The following GPR179 variants were observed in gnomAD, a reference collection of about 807,000 sequenced individuals.
The protein encoded by GPR179 is G protein-coupled receptor 179.
A neutral mutation model predicts 70.8 loss-of-function variants in GPR179; 52 were observed. The ratio of observed to expected loss-of-function variants is 0.73; its 90% CI spans 0.59 to 0.93. GPR179 has a LOEUF of 0.93. Ranked by LOEUF, GPR179 falls within the 40% of genes least tolerant of loss-of-function variation. The probability of loss-of-function intolerance (pLI) is 0.00; values close to 1 mark genes in which losing one functional copy is unlikely to be tolerated. For synonymous variants in GPR179, 1,123 were observed against 1,169.0 expected (o/e 0.96, Z 0.80); for missense variants, 2,734 against 2,966.8 (o/e 0.92, Z 1.82).
intron 1 of GPR179, among the ~76,000 whole-genome samples, chr17:38,341,043 G>T (rs1351632974): frequency 6.6e-6 from 1 of 152,198 alleles, no homozygotes; most frequent in Non-Finnish European, 1.5e-5. Flanking sequence ...TGAGGAAAGG[G>T]ATCACACTTT....
rs2037282157 is a variant in GPR179, at chr17:38,326,021, A to G, written c.*444T>C. On this transcript the variant is annotated 3_prime_UTR_variant, in exon 11 of 11. Coordinates refer to ENST00000616987, the MANE Select transcript of GPR179 (RefSeq NM_001004334.4). ...GGTCCACCATCCCTACGTTGCCAAC[A>G]CTTTGTATGGTTTAGTTTCTTCTCA... The G allele has an allele frequency of 6.2e-6, 1 of 162,410 alleles. No homozygotes were observed. The highest frequency in any genetic ancestry group is 1.3e-5 in the Non-Finnish European group (1 of 75,550). The allele number at this position is 162,410 out of a possible 1,614,324, so 10.1% of individuals were successfully genotyped here.
In GPR179 at chr17:38,329,680, A is replaced by G; in HGVS notation, c.3889T>C (p.Ser1297Pro). 6.2e-7 allele frequency: 1 copy of G among 1,613,764 alleles called. No homozygotes were observed. The highest frequency in any genetic ancestry group is 1.1e-5 in the South Asian group (1 of 91,060). Residue 1297 changes from serine (S) to proline (P), a missense_variant, in exon 11 of 11, where the codon TCA becomes CCA. By Grantham distance (74) the Ser-to-Pro change is moderately conservative. Coordinates refer to ENST00000616987, the MANE Select transcript of GPR179 (RefSeq NM_001004334.4). ...QKKRGEARGK[S>P]EPIDVVPMMR... ...ATGGGAACCACATCTATGGGCTCTG[A>G]TTTTCCCCGGGCCTCCCCTCTCTTT... is the stretch of plus-strand genomic sequence containing the variant.
In GPR179 at chr17:38,333,379, G is replaced by A. The variant is rs779994166; in HGVS notation, c.1909C>T (p.Pro637Ser). The change falls in exon 10 of 11, where the codon CCT becomes TCT. Residue 637 changes from proline to serine, a missense_variant. Physicochemically the swap from Pro to Ser is moderately conservative, Grantham distance 74 (BLOSUM62 -1). Transcript: ENST00000616987. ...TCATCCACCATCTCCTCCCGGGGAG[G>A]AGCCCCCAGCTTCCAGAACTGGCAG... ...FIPKFWKLGA[P>S]PREEMVDEVC... 1.9e-6 allele frequency: 3 copies of A among 1,613,806 alleles called. No individual in the cohort carries two copies. The East Asian group carries it at 6.7e-5, about 36-fold the overall frequency.
Position 38,326,961 on chromosome 17 carries a change from T to C in GPR179, c.6608A>G (p.Glu2203Gly), listed in dbSNP as rs749176781. 3 of 1,614,136 alleles carry C rather than the reference T, an allele frequency of 1.9e-6. No individual in the cohort carries two copies. The highest frequency in any genetic ancestry group is 2.5e-6 in the Non-Finnish European group (3 of 1,180,038). The change falls in exon 11 of 11, where the codon GAA becomes GGA. Residue 2203 changes from glutamate (E) to glycine (G), a missense_variant. By Grantham distance (98) the Glu-to-Gly change is moderately conservative. Transcript: ENST00000616987. ...LLPQSGALDP[E>G]LKVSPKEAGS... is the part of the protein sequence containing the mutation. ...TGCTTCCTTGGGGCTGACTTTGAGT[T>C]CTGGGTCCAGGGCACCTGACTGGGG...
Position 38,326,082 on chromosome 17 carries a change from C to G in GPR179, c.*383G>C, listed in dbSNP as rs1314322541. 4.9e-6 allele frequency: 1 copy of G among 205,998 alleles called. No individual in the cohort carries two copies. The highest frequency in any genetic ancestry group is 2.3e-5 in the African/African-American group (1 of 43,300). 12.8% of individuals were successfully genotyped at this position (205,998 alleles called of 1,614,324 possible). A position where few individuals can be genotyped will look rare whatever the true frequency, so the allele number is the denominator to read the frequency against. On this transcript the variant is annotated 3_prime_UTR_variant, in exon 11 of 11. Transcript: ENST00000616987. ...CATCGTAGACTTCAGAGAATTGGGT[C>G]CCCCTGTGAGAGAAGGTAGGCTGGG...
At position 38,325,701 on chromosome 17, in the gene GPR179, G is replaced by C. The variant is rs1266269098; in HGVS notation, c.*764C>G. 1 of 152,478 alleles carries C rather than the reference G, an allele frequency of 6.6e-6. No homozygotes were observed. The highest frequency in any genetic ancestry group is 1.5e-5 in the Non-Finnish European group (1 of 68,132). The allele number at this position is 152,478 out of a possible 1,614,324, so 9.4% of individuals were successfully genotyped here. The stretch of plus-strand genomic sequence containing the variant: ...TCTGGAAGGAAGAGCTCCCTTGACT[G>C]TGGGGAGGACCTGGGGCAATTGCTT... On this transcript the variant is annotated 3_prime_UTR_variant, in exon 11 of 11. Transcript: ENST00000616987.
In GPR179 at chr17:38,337,059, G is replaced by A. The variant is rs375280933; in HGVS notation, c.1146C>T (p.Ala382=). 20 of 1,608,916 alleles carry A rather than the reference G, an allele frequency of 1.2e-5. No individual in the cohort carries two copies. The highest frequency in any genetic ancestry group is 3.3e-5 in the South Asian group (3 of 90,112). ...CLVEEAAVLR[A]AVLACQACCM... ...AGCAGGCCTGGCAGGCCAGCACAGC[G>A]GCCCGCAGCACCGCGGCCTCTTCCA... is the stretch of plus-strand genomic sequence containing the variant. Residue 382 remains alanine, a synonymous_variant, in exon 4 of 11, where the codon GCC becomes GCT. Transcript: ENST00000616987.
chr17:38,327,713 A>G lies in GPR179; in HGVS notation c.5856T>C (p.His1952=). ...FTTEDGEKTS[H]ELQSVCPWET... ...CCCATGGACAGACGGATTGTAGCTC[A>G]TGGCTTGTTTTTTCCCCATCTTCAG... Residue 1952 remains histidine, a synonymous_variant, in exon 11 of 11, where the codon CAT becomes CAC. Coordinates refer to ENST00000616987, the MANE Select transcript of GPR179 (RefSeq NM_001004334.4). 6.2e-7 allele frequency: 1 copy of G among 1,613,860 alleles called. No homozygotes were observed. Among genetic ancestry groups the G allele is most frequent in the Non-Finnish European group, 8.5e-7 (1 of 1,179,764 alleles).
At chr17:38,342,855 G>A in intron 1 of GPR179, 141 bp downstream of exon 1, 1 of 779,466 alleles carries the variant, frequency 1.3e-6, no homozygotes, top group Non-Finnish European at 2.1e-6. Flanking sequence ...AGTACACACA[G>A]CTGAGTACAA....
chr17:38,342,294 G>A (rs1166234074), intron 1 of GPR179, among the ~76,000 whole-genome samples: 2 of 150,036 alleles, frequency 1.3e-5, no homozygotes, highest in Non-Finnish European at 3.0e-5. Flanking sequence ...CCCTTCTCAG[G>A]CCTGGGGGCC....
At position 38,334,966 on chromosome 17, in the gene GPR179, C is replaced by T. The variant is rs2037390391; in HGVS notation, c.1645+67G>A. On this transcript the variant is annotated intron_variant, in intron 7 of 10. Coordinates refer to ENST00000616987, the MANE Select transcript of GPR179 (RefSeq NM_001004334.4). This position sits in a 1 kb window ranked among gnomAD's most constrained non-coding sequence, Gnocchi z 4.7. ...TGGGGACAAGTCAGGAGAACCAGAA[C>T]AAGAGGAACCCTGGAGGCACAGAGG... 6.3e-7 allele frequency: 1 copy of T among 1,584,624 alleles called. No homozygotes were observed. Among genetic ancestry groups the T allele is most frequent in the African/African-American group, 1.3e-5 (1 of 74,274 alleles).
At position 38,333,485 on chromosome 17, in the gene GPR179, A is replaced by C. The variant is rs549061981; in HGVS notation, c.1891-88T>G. ...CACCTGCCCTGTGGAATGCGTCCTT[A>C]CTTTGTGACGCTTCACCCCCTTCTC... is the stretch of plus-strand genomic sequence containing the variant. On this transcript the variant is annotated intron_variant, in intron 9 of 10. Transcript: ENST00000616987. 1.7e-5 allele frequency: 23 copies of C among 1,317,822 alleles called. 1 individual carries two copies. In the South Asian group the frequency reaches 2.9e-4, roughly 16 times the overall value. 81.6% of individuals were successfully genotyped at this position (1,317,822 alleles called of 1,614,324 possible).
At position 38,336,124 on chromosome 17, in the gene GPR179, C is replaced by T. The variant is rs1210284486; in HGVS notation, c.1248G>A (p.Val416=). 1 of 1,613,064 alleles carries T rather than the reference C, an allele frequency of 6.2e-7. No homozygotes were observed. The highest frequency in any genetic ancestry group is 2.2e-5 in the East Asian group (1 of 44,880). Residue 416 remains valine, a synonymous_variant, in exon 5 of 11, where the codon GTG becomes GTA. Coordinates refer to ENST00000616987, the MANE Select transcript of GPR179 (RefSeq NM_001004334.4). ...CAAAAAGGACAGTTTCCAGCAGGAC[C>T]ACTCCAGATGCCCAGATCCTCTGTG... The part of the protein sequence containing the change: ...RRNKRIWASG[V]VLLETVLFGF...
intron 9 of GPR179, 133 bp from the exon 10 acceptor site, chr17:38,333,530 T>G (rs767518686): frequency 2.2e-5 from 21 of 965,374 alleles, no homozygotes; most frequent in Non-Finnish European, 2.9e-5. Flanking sequence ...ATTCTGGGGA[T>G]CTTTAGAGTT....
rs199697891 is a variant in GPR179, at chr17:38,328,486, C to T, written c.5083G>A (p.Glu1695Lys). The T allele has an allele frequency of 2.8e-4, 456 of 1,612,814 alleles. No individual in the cohort carries two copies. Among genetic ancestry groups the T allele is most frequent in the Non-Finnish European group, 3.7e-4 (436 of 1,179,670 alleles). ...TCTGCCTTCCCAGCAGTCAAGTTTT[C>T]CTCCACATCCAAAGGGCAAATGTCG... ...AADICPLDVEENLTAGKAEIC... is the reference protein window; with the variant it reads ...AADICPLDVEKNLTAGKAEIC... Residue 1695 changes from glutamate (E) to lysine (K), a missense_variant, in exon 11 of 11, where the codon GAA (glutamate) becomes AAA (lysine). Physicochemically the swap from Glu to Lys is moderately conservative, Grantham distance 56 (BLOSUM62 1). Coordinates refer to ENST00000616987, the MANE Select transcript of GPR179 (RefSeq NM_001004334.4).
Position 38,326,199 on chromosome 17 carries a change from A to C in GPR179, c.*266T>G. The C allele has an allele frequency of 2.3e-6, 1 of 432,966 alleles. No homozygotes were observed. The highest frequency in any genetic ancestry group is 4.1e-6 in the Non-Finnish European group (1 of 245,408). The allele number at this position is 432,966 out of a possible 1,614,324, so 26.8% of individuals were successfully genotyped here. ...GTTGTGAGTACTGTAGGTGGATGGG[A>C]GGCGTCCTTAGAAGTAGAGTGTCCA... On this transcript the variant is annotated 3_prime_UTR_variant, in exon 11 of 11. Transcript: ENST00000616987.
At chr17:38,339,628 G>A in intron 1 of GPR179, 103 bp from the exon 2 acceptor site, 1 of 786,252 alleles carries the variant, frequency 1.3e-6, no homozygotes, top group Non-Finnish European at 2.2e-6. Flanking sequence ...CGGAATTATG[G>A]CACTTTGGCA....
In GPR179 at chr17:38,337,650, C is replaced by T. The variant is rs778141108; in HGVS notation, c.974G>A (p.Gly325Glu). Residue 325 changes from glycine to glutamate, a missense_variant, in exon 3 of 11, where the codon GGG (glycine) becomes GAG (glutamate). Transcript: ENST00000616987. ...YLCRCRPGFY[G>E]ASPSGGLEES... ...TTACATACCCCCAGAGGGGCTTGCCCCGTAGAATCCAGGTCGGCAGCGGCA... is the reference window on the plus strand; with the variant it reads ...TTACATACCCCCAGAGGGGCTTGCCTCGTAGAATCCAGGTCGGCAGCGGCA... 1.2e-6 allele frequency: 2 copies of T among 1,612,970 alleles called. No individual in the cohort carries two copies.
rs780031382 is a variant in GPR179 at position 38,329,205 on chromosome 17, A to G, written c.4364T>C (p.Leu1455Ser). The change falls in exon 11 of 11, where the codon TTG becomes TCG. Residue 1455 changes from leucine (L) to serine (S), a missense_variant. Physicochemically the swap from Leu to Ser is moderately radical, Grantham distance 145. Coordinates refer to ENST00000616987, the MANE Select transcript of GPR179 (RefSeq NM_001004334.4). ...ACACACTTCAGCAATGCCACTGCCC[A>G]AACTCCCTGAACACTCTGAGCTTCC... ...APGSSECSGS[L>S]GSGIAEVCLW... 1 of 1,613,890 alleles carries G rather than the reference A, an allele frequency of 6.2e-7. No homozygotes were observed. Among genetic ancestry groups the G allele is most frequent in the Admixed American group, 1.7e-5 (1 of 59,994 alleles).
Sources: gnomAD v4.1 joint callset for allele counts (sites outside exome capture counted in the v4.1 genomes callset) on GRCh38, gnomAD v4.1.1 for gene constraint, Gnocchi (gnomAD v3.1) non-coding constraint, MANE v1.5 for transcripts, NCBI Gene and HGNC (gene_info 2026-07-23, HGNC 2026-07-21) for gene names.